Variants in KPNA7 observed in about 807,000 individuals in gnomAD.
KPNA7 encodes the protein karyopherin subunit alpha 7, also known as importin subunit alpha-8.
In KPNA7, 54 loss-of-function variants were observed where a neutral mutation model predicts 53.7. The ratio of observed to expected loss-of-function variants is 1.01; its 90% CI spans 0.81 to 1.26. The LOEUF (loss-of-function observed/expected upper bound fraction) is 1.26. Among genes scored for constraint, KPNA7 ranks in the 50% most tolerant of loss-of-function variants. KPNA7 has a pLI of 0.00. For missense variants in KPNA7, 640 were observed against 644.5 expected (o/e 0.99, Z 0.07); for synonymous variants, 276 against 259.3 (o/e 1.06, Z -0.62).
chr7:99,191,442 G>T (rs759702470), intron 6 of KPNA7, among the ~76,000 whole-genome samples: 3 of 152,034 alleles, frequency 2.0e-5, no homozygotes, highest in African/African-American at 2.4e-5. Context: ...GCCTCTCTCT[G>T]CTATATAATT....
chr7:99,186,973 T>C (rs2150729847), intron 7 of KPNA7, among the ~76,000 whole-genome samples: 1 of 152,246 alleles, frequency 6.6e-6, no homozygotes, highest in East Asian at 1.9e-4. Context: ...CAGTATATGA[T>C]GTAGGTGACA....
intron 2 of KPNA7, among the ~76,000 whole-genome samples, chr7:99,203,654 G>A (rs1294864427): frequency 6.6e-6 from 1 of 151,780 alleles, no homozygotes; most frequent in African/African-American, 2.4e-5. Flanking sequence ...GACGATTAGG[G>A]GACTGCCCAT....
At chr7:99,162,854 A>G in the KPNA7 span, among the ~76,000 whole-genome samples, 1 of 152,150 alleles carries the variant, frequency 6.6e-6, no homozygotes, top group African/African-American at 2.4e-5. Flanking sequence ...ATGTTGAAAA[A>G]GAATCTGTAT....
Position 99,185,073 on chromosome 7 carries a change from G to C in KPNA7, c.990C>G (p.Leu330=), listed in dbSNP as rs879214646. The C allele has an allele frequency of 1.3e-6, 2 of 1,551,770 alleles. No homozygotes were observed. Among genetic ancestry groups the C allele is most frequent in the African/African-American group, 1.4e-5 (1 of 73,028 alleles). The change falls in exon 8 of 11, where the codon CTC becomes CTG. Residue 330 remains leucine, a synonymous_variant. Coordinates refer to ENST00000327442, the MANE Select transcript of KPNA7 (RefSeq NM_001145715.3). The stretch of plus-strand genomic sequence containing the variant: ...GCTTGTTGTGTTGCAGGAGCTGGGG[G>C]AGCACGTTCAGCATACCCGCATCAA... ...MAIDAGMLNV[L]PQLLQHNKPS...
chr7:99,194,992 C>A, intron 5 of KPNA7, 78 bp downstream of exon 5: 10 of 1,454,448 alleles, frequency 6.9e-6, no homozygotes, highest in Non-Finnish European at 9.3e-6. Context: ...ATCGAGTATA[C>A]CCCACCACCC....
At chr7:99,187,797 TTTAAAAAA>T (rs71108426) in intron 7 of KPNA7, among the ~76,000 whole-genome samples, 30,087 of 79,886 alleles carry the variant, frequency 0.38, 4,361 homozygotes, top group South Asian at 0.48. Flanking sequence ...GGCCTTTTTT[TTTAAAAAA>T]AAAAAAAAAA....
At chr7:99,149,245 G>A in the KPNA7 span, among the ~76,000 whole-genome samples, 12 of 151,936 alleles carry the variant, frequency 7.9e-5, no homozygotes, top group African/African-American at 1.2e-4. Context: ...AAATGATGTC[G>A]AGCATATCCT....
chr7:99,177,346 G>A (rs969024900), intron 10 of KPNA7, among the ~76,000 whole-genome samples: 2 of 152,088 alleles, frequency 1.3e-5, no homozygotes, highest in African/African-American at 4.8e-5. Context: ...TTGGGATTAC[G>A]CCAAGGCGGG....
chr7:99,205,456 G>A (rs1241440415), intron 2 of KPNA7, among the ~76,000 whole-genome samples: 1 of 150,132 alleles, frequency 6.7e-6, no homozygotes, highest in African/African-American at 2.5e-5. Flanking sequence ...TCCTGATGGT[G>A]GCCTAACCAG....
chr7:99,161,263 CT>C, the KPNA7 span, among the ~76,000 whole-genome samples: 3 of 84,998 alleles, frequency 3.5e-5, no homozygotes, highest in African/African-American at 1.3e-4. Flanking sequence ...CTCTCTCTCT[CT>C]CTCTCTGATC....
At position 99,188,411 on chromosome 7, in the gene KPNA7, C is replaced by G. The variant is rs1226507542; in HGVS notation, c.789G>C (p.Trp263Cys). The G allele has an allele frequency of 5.8e-6, 9 of 1,551,454 alleles. No individual in the cohort carries two copies. Among genetic ancestry groups the G allele is most frequent in the Non-Finnish European group, 7.8e-6 (9 of 1,146,998 alleles). ...AGCCGTCGGTGAGGTAGGACAGTGC[C>G]CAGCAGGCATCCGAGAGAACCTCAC... Reference protein sequence around the residue: ...QDSEVLSDACWALSYLTDGSN... With the variant: ...QDSEVLSDACCALSYLTDGSN... The change falls in exon 7 of 11, where the codon TGG (tryptophan) becomes TGC (cysteine). Residue 263 changes from tryptophan (W) to cysteine (C), a missense_variant. By Grantham distance (215) the Trp-to-Cys change is radical. Transcript: ENST00000327442.
chr7:99,195,255 T>C lies in KPNA7; in HGVS notation c.368A>G (p.Lys123Arg). 1 of 1,551,556 alleles carries C rather than the reference T, an allele frequency of 6.4e-7. No homozygotes were observed. Among genetic ancestry groups the C allele is most frequent in the Non-Finnish European group, 8.7e-7 (1 of 1,146,944 alleles). ...CTGCAAGCAGGGGTAAAGTGATGACTTCAGGAACTCCACCATCCTGGGAAT... is the reference window on the plus strand; with the variant it reads ...CTGCAAGCAGGGGTAAAGTGATGACCTCAGGAACTCCACCATCCTGGGAAT... ...GLIPRMVEFLKSSLYPCLQFE... is the reference protein window; with the variant it reads ...GLIPRMVEFLRSSLYPCLQFE... Residue 123 changes from lysine (K) to arginine (R), a missense_variant, in exon 5 of 11, where the codon AAG becomes AGG. By Grantham distance (26) the Lys-to-Arg change is conservative (BLOSUM62 2). Coordinates refer to ENST00000327442, the MANE Select transcript of KPNA7 (RefSeq NM_001145715.3).
At chr7:99,198,795 A>G (rs964923371) in intron 3 of KPNA7, among the ~76,000 whole-genome samples, 3 of 152,134 alleles carry the variant, frequency 2.0e-5, no homozygotes, top group Admixed American at 1.3e-4. Context: ...GGCAACAAAT[A>G]AAGTGCACCC....
chr7:99,165,377 G>A, the KPNA7 span, among the ~76,000 whole-genome samples: 4 of 151,744 alleles, frequency 2.6e-5, no homozygotes, highest in African/African-American at 7.3e-5. Flanking sequence ...CTGAGCTGAG[G>A]AGGAAAGAGG....
intron 6 of KPNA7, 142 bp downstream of exon 6, chr7:99,192,877 C>A: frequency 1.8e-6 from 1 of 559,778 alleles, no homozygotes; most frequent in African/African-American, 2.0e-5. Context: ...GTCCATAATC[C>A]CAGAACTTTG....
rs143362465 is a variant in KPNA7 at position 99,191,796 on chromosome 7, C to T, written c.636+1223G>A. ...TCCCAAGTAGCTGGGACTACAGGAA[C>T]GTGCCACCATGCCTGGCTAGTTTCT... On this transcript the variant is annotated intron_variant, in intron 6 of 10. Coordinates refer to ENST00000327442, the MANE Select transcript of KPNA7 (RefSeq NM_001145715.3). 6.4e-3 allele frequency among the ~76,000 whole-genome samples: 978 copies of T among 152,190 alleles called. 7 individuals are homozygous for T. Among genetic ancestry groups the T allele is most frequent in the African/African-American group, 0.019 (771 of 41,528 alleles).
chr7:99,152,729 G>A, the KPNA7 span, among the ~76,000 whole-genome samples: 1 of 152,148 alleles, frequency 6.6e-6, no homozygotes, highest in South Asian at 2.1e-4. Flanking sequence ...ATGTATTTCT[G>A]CTGTGAGTTT....
At chr7:99,146,849 G>A in the KPNA7 span, among the ~76,000 whole-genome samples, 1 of 151,544 alleles carries the variant, frequency 6.6e-6, no homozygotes, top group African/African-American at 2.4e-5. Context: ...ATACGGTGGG[G>A]CAAAATCATC....
chr7:99,156,198 ATCTT>A, the KPNA7 span, among the ~76,000 whole-genome samples: 3 of 152,092 alleles, frequency 2.0e-5, no homozygotes, highest in African/African-American at 4.8e-5. Flanking sequence ...TTGAAATGTA[ATCTT>A]TCTGAGTTTA....
Sources: allele counts gnomAD v4.1 joint callset (sites outside exome capture counted in the v4.1 genomes callset), GRCh38; gene constraint gnomAD v4.1.1; transcripts MANE v1.5; gene names NCBI Gene and HGNC (gene_info 2026-07-23, HGNC 2026-07-21).